The following SLC39A14 variants were observed in gnomAD, a reference collection of about 807,000 sequenced individuals.
The protein encoded by SLC39A14 is solute carrier family 39 member 14.
SLC39A14 carries 19 observed loss-of-function variants against 45.5 expected under a neutral mutation model. The observed-to-expected ratio is 0.42, with a 90% CI of 0.29 to 0.61. The LOEUF (loss-of-function observed/expected upper bound fraction) is 0.61. Ranked by LOEUF, SLC39A14 falls within the 20% of genes least tolerant of loss-of-function variation. The pLI is 0.22. For missense variants in SLC39A14, 447 were observed against 616.5 expected, an observed-to-expected ratio of 0.73 and a Z score of 2.91; for synonymous variants, 264 against 251.3, an observed-to-expected ratio of 1.05 and a Z score of -0.48.
chr8:22,409,378 G>GTTT (rs773122000), intron 3 of SLC39A14, among the ~76,000 whole-genome samples: 2 of 139,820 alleles, frequency 1.4e-5, no homozygotes, highest in East Asian at 5.4e-4. Context: ...GGCTTTTTTT[G>GTTT]TTTTTTTTGT....
chr8:22,419,049 A>G (rs1434517880), intron 8 of SLC39A14, among the ~76,000 whole-genome samples: 1 of 152,236 alleles, frequency 6.6e-6, no homozygotes, highest in African/African-American at 2.4e-5. Flanking sequence ...TCTATAATAT[A>G]AAGTTTATTT....
chr8:22,371,139 C>CA (rs1832905680), intron 1 of SLC39A14, among the ~76,000 whole-genome samples: 1 of 152,190 alleles, frequency 6.6e-6, no homozygotes, highest in African/African-American at 2.4e-5. Context: ...CCGGGAAAGC[C>CA]ACAGAATTGG....
At chr8:22,430,450 G>A (rs979237654) in intron 8 of SLC39A14, among the ~76,000 whole-genome samples, 1 of 152,110 alleles carries the variant, frequency 6.6e-6, no homozygotes, top group Non-Finnish European at 1.5e-5. Context: ...GAAAATAGAC[G>A]GTAGGGGGAG....
chr8:22,375,878 A>G (rs890936807), intron 1 of SLC39A14, among the ~76,000 whole-genome samples: 2 of 152,260 alleles, frequency 1.3e-5, no homozygotes, highest in Non-Finnish European at 2.9e-5. Context: ...TTGCAAAAAT[A>G]TAGCAGAATT....
At chr8:22,393,660 A>T (rs1834206874) in intron 1 of SLC39A14, among the ~76,000 whole-genome samples, 1 of 151,784 alleles carries the variant, frequency 6.6e-6, no homozygotes, top group Admixed American at 6.6e-5. Flanking sequence ...TGTTTTTTTT[A>T]ATTGATTTAT....
chr8:22,376,334 A>ATTTTTTTTTT (rs778041310), intron 1 of SLC39A14, among the ~76,000 whole-genome samples: 16 of 122,428 alleles, frequency 1.3e-4, no homozygotes, highest in East Asian at 7.5e-4. Context: ...ACCACACCTA[A>ATTTTTTTTTT]TTTTTTTTTT....
In SLC39A14 at chr8:22,422,399, G is replaced by T; in HGVS notation, c.*2701G>T. On this transcript the variant is annotated 3_prime_UTR_variant, in exon 9 of 9. Coordinates refer to ENST00000381237, the MANE Select transcript of SLC39A14 (RefSeq NM_001128431.4). ...CTTAACCTTGGGTTTTAAAAAGAAG[G>T]CTTCTCTGTTTGGGTAGCGTAAGAG... 2.0e-6 allele frequency: 2 copies of T among 985,794 alleles called. No homozygotes were observed. Among genetic ancestry groups the T allele is most frequent in the Non-Finnish European group, 2.4e-6 (2 of 829,916 alleles). 61.1% of individuals were successfully genotyped at this position (985,794 alleles called of 1,614,324 possible). A position where few individuals can be genotyped will look rare whatever the true frequency, so the allele number is the denominator to read the frequency against.
chr8:22,417,236 T>C (rs1017945435), intron 7 of SLC39A14, among the ~76,000 whole-genome samples: 2 of 152,262 alleles, frequency 1.3e-5, no homozygotes, highest in Non-Finnish European at 2.9e-5. Context: ...GGGTTCCTTC[T>C]GTTTCACTAT....
intron 4 of SLC39A14, among the ~76,000 whole-genome samples, chr8:22,413,420 CCCATGATTCTGTATTCACCAT>C (rs1281367521): frequency 1.3e-5 from 2 of 152,270 alleles, no homozygotes; most frequent in Non-Finnish European, 2.9e-5. Context: ...GAAGCTCAAC[CCCATGATTCTGTATTCACCAT>C]CCTTTGTGGC....
chr8:22,415,696 C>T (rs986009692), intron 5 of SLC39A14, 73 bp from the exon 6 acceptor site: 9 of 1,444,656 alleles, frequency 6.2e-6, no homozygotes, highest in Non-Finnish European at 8.5e-6. Context: ...GAAGCACTTC[C>T]TTGGAGCAGG....
At position 22,414,510 on chromosome 8, in the gene SLC39A14, G is replaced by C. The variant is rs147511821; in HGVS notation, c.628-270G>C. On this transcript the variant is annotated intron_variant, in intron 4 of 8. Transcript: ENST00000381237. The stretch of plus-strand genomic sequence containing the variant: ...ATCAAAAGTGGAAAACCATATCGGA[G>C]GTTTTTCTTTCTGGGATTAAAATTC... Among the ~76,000 whole-genome samples the C allele has an allele frequency of 4.0e-3, 616 of 152,302 alleles. 1 individual carries two copies. The highest frequency in any genetic ancestry group is 7.2e-3 in the Non-Finnish European group (487 of 68,024).
intron 3 of SLC39A14, among the ~76,000 whole-genome samples, chr8:22,410,765 G>A (rs1835522703): frequency 6.6e-6 from 1 of 152,178 alleles, no homozygotes; most frequent in South Asian, 2.1e-4. Flanking sequence ...GTTTTGAAAT[G>A]TTAATTTTGT....
chr8:22,400,872 G>A (rs935222541), intron 1 of SLC39A14, among the ~76,000 whole-genome samples: 4 of 152,198 alleles, frequency 2.6e-5, no homozygotes, highest in African/African-American at 9.6e-5. Context: ...GGTTGAGAGA[G>A]TCAGAGTTGG....
Position 22,416,166 on chromosome 8 carries a change from G to A in SLC39A14, c.1033G>A (p.Gly345Ser), listed in dbSNP as rs780915402. The A allele has an allele frequency of 9.9e-6, 16 of 1,614,010 alleles. No individual in the cohort carries two copies. Among genetic ancestry groups the A allele is most frequent in the South Asian group, 3.3e-5 (3 of 91,064 alleles). Residue 345 changes from glycine (G) to serine (S), a missense_variant, in exon 7 of 9, where the codon GGC becomes AGC. Gly to Ser is a moderately conservative substitution (Grantham distance 56, BLOSUM62 0). Coordinates refer to ENST00000381237, the MANE Select transcript of SLC39A14 (RefSeq NM_001128431.4). ...GGCCTGGATGATCACTCTGAGCGAC[G>A]GCCTCCATAATTTCATCGATGGCCT... ...TLAWMITLSD[G>S]LHNFIDGLAI...
intron 2 of SLC39A14, among the ~76,000 whole-genome samples, chr8:22,407,021 A>G (rs1835262363): frequency 6.6e-6 from 1 of 152,178 alleles, no homozygotes; most frequent in South Asian, 2.1e-4. Flanking sequence ...TTTCACAGGA[A>G]CGGTTCGTGA....
intron 3 of SLC39A14, among the ~76,000 whole-genome samples, chr8:22,408,820 CT>C (rs71544900): frequency 9.7e-4 from 127 of 130,498 alleles, no homozygotes; most frequent in South Asian, 3.2e-3. Context: ...CTTTTTTAAT[CT>C]TTTTTTTTTT....
intron 1 of SLC39A14, among the ~76,000 whole-genome samples, chr8:22,401,900 C>A (rs1176835804): frequency 6.6e-6 from 1 of 152,084 alleles, no homozygotes; most frequent in Non-Finnish European, 1.5e-5. Context: ...TTTTAACTTG[C>A]CGTTATGCCA....
At chr8:22,397,098 G>A (rs1586694551) in intron 1 of SLC39A14, among the ~76,000 whole-genome samples, 1 of 151,958 alleles carries the variant, frequency 6.6e-6, no homozygotes. Flanking sequence ...ATTAAACTCT[G>A]CAAGTTTATT....
At chr8:22,373,654 A>G (rs6558016) in intron 1 of SLC39A14, among the ~76,000 whole-genome samples, 1,988 of 152,316 alleles carry the variant, frequency 0.013, 44 homozygotes, top group African/African-American at 0.046. Flanking sequence ...CAGGTGTCAT[A>G]TAAGACAGTA....
Sources: gnomAD v4.1 joint callset for allele counts (sites outside exome capture counted in the v4.1 genomes callset) on GRCh38, gnomAD v4.1.1 for gene constraint, MANE v1.5 for transcripts, NCBI Gene and HGNC (gene_info 2026-07-23, HGNC 2026-07-21) for gene names.